NINJ2: variants seen among roughly 807,000 people sequenced by gnomAD.
NINJ2 encodes ninjurin 2.
Under a neutral mutation model 11.7 loss-of-function variants are expected in NINJ2, and 12 were observed. The observed-to-expected ratio is 1.02, with a 90% CI of 0.66 to 1.66. NINJ2 has a LOEUF of 1.66. Ranked by LOEUF, NINJ2 falls within the 40% of genes most tolerant of loss-of-function variation. The probability of loss-of-function intolerance (pLI) is 0.00; values close to 1 mark genes in which losing one functional copy is unlikely to be tolerated. For missense variants in NINJ2, 187 were observed against 181.8 expected (o/e 1.03, Z -0.16); for synonymous variants, 93 against 76.8 (o/e 1.21, Z -1.10).
intron 1 of NINJ2, among the ~76,000 whole-genome samples, chr12:629,923 G>A (rs1208141391): frequency 5.3e-4 from 33 of 61,758 alleles, no homozygotes; most frequent in Admixed American, 1.1e-3. Flanking sequence ...ATATATATAT[G>A]AAGTTTCTTT....
At chr12:636,524 T>C (rs551655764) in intron 1 of NINJ2, among the ~76,000 whole-genome samples, 1 of 152,032 alleles carries the variant, frequency 6.6e-6, no homozygotes, top group Non-Finnish European at 1.5e-5. Context: ...TCCTACAACT[T>C]AACAGCGAGA....
chr12:619,138 G>T (rs1026453661), intron 1 of NINJ2, among the ~76,000 whole-genome samples: 3 of 152,160 alleles, frequency 2.0e-5, no homozygotes, highest in Non-Finnish European at 4.4e-5. Flanking sequence ...CCAGGAGGGG[G>T]GCAGTTTATT....
chr12:601,356 C>T (rs952828987), intron 1 of NINJ2, among the ~76,000 whole-genome samples: 20 of 148,136 alleles, frequency 1.4e-4, no homozygotes, highest in East Asian at 2.1e-4. Context: ...ACCATCCTGG[C>T]TAACACAGTG....
rs140081035 is a variant in NINJ2 at position 581,077 on chromosome 12, CTGTG to C, written c.34-14903_34-14900del. 6.9e-6 allele frequency among the ~76,000 whole-genome samples: 1 copy of C among 144,230 alleles called. No individual in the cohort carries two copies. The highest frequency in any genetic ancestry group is 2.2e-4 in the South Asian group (1 of 4,554). 94.6% of individuals were successfully genotyped at this position (144,230 alleles called of 152,430 possible). On this transcript the variant is annotated intron_variant, in intron 1 of 3. Transcript: ENST00000305108. The surrounding 1 kb of genome is among the most constrained non-coding windows in gnomAD (Gnocchi z 4.9). Reference sequence around the variant, plus strand: ...TCTGTGTGTGCGTGTCTCTGTGCCTCTGTGTGTGTGTGCATGTGTCTCTGTGTGT... The same window carrying C: ...TCTGTGTGTGCGTGTCTCTGTGCCTCTGTGTGTGCATGTGTCTCTGTGTGT...
rs776179265 is a variant in NINJ2 at position 591,866 on chromosome 12, C to T, written c.34-25688G>A. On this transcript the variant is annotated intron_variant, in intron 1 of 3. Transcript: ENST00000305108. The surrounding 1 kb of genome is among the most constrained non-coding windows in gnomAD (Gnocchi z 5.0). ...CCTTCTGAAAGAGTGACGTGGCCGG[C>T]GGCAGGTATGGTGTGTGACTTAACT... 6.6e-6 allele frequency among the ~76,000 whole-genome samples: 1 copy of T among 152,102 alleles called. No individual in the cohort carries two copies. Among genetic ancestry groups the T allele is most frequent in the South Asian group, 2.1e-4 (1 of 4,820 alleles).
intron 1 of NINJ2, among the ~76,000 whole-genome samples, chr12:655,740 C>CT (rs1292051308): frequency 4.0e-5 from 6 of 151,730 alleles, no homozygotes; most frequent in African/African-American, 1.5e-4. Context: ...TGGTGAAACC[C>CT]TGTCACTACT....
At chr12:587,189 C>G (rs2120858694) in intron 1 of NINJ2, among the ~76,000 whole-genome samples, 1 of 152,278 alleles carries the variant, frequency 6.6e-6, no homozygotes, top group African/African-American at 2.4e-5. Flanking sequence ...TCTGGGTCAA[C>G]AAAAAGACTA....
intron 1 of NINJ2, among the ~76,000 whole-genome samples, chr12:567,692 A>G (rs1947320365): frequency 6.6e-6 from 1 of 152,178 alleles, no homozygotes; most frequent in African/African-American, 2.4e-5. Flanking sequence ...GAACCTTTGG[A>G]TTCTATGAGC....
rs933029480 is a variant in NINJ2, at chr12:640,342, T to TA, written c.33+22985dup. Among the ~76,000 whole-genome samples the TA allele has an allele frequency of 6.6e-6, 1 of 151,970 alleles. No individual in the cohort carries two copies. The highest frequency in any genetic ancestry group is 2.1e-4 in the South Asian group (1 of 4,816). Reference sequence around the variant, plus strand: ...TTTACAAATGTGGCAACTGAAGCTTTAAAAAAAAGGTAGGCCTGCGGGCTC... The same window carrying TA: ...TTTACAAATGTGGCAACTGAAGCTTTAAAAAAAAAGGTAGGCCTGCGGGCTC... On this transcript the variant is annotated intron_variant, in intron 1 of 3. Coordinates refer to ENST00000305108, the MANE Select transcript of NINJ2 (RefSeq NM_016533.6). This position sits in a 1 kb window ranked among gnomAD's most constrained non-coding sequence, Gnocchi z 4.0.
intron 1 of NINJ2, among the ~76,000 whole-genome samples, chr12:605,120 G>A (rs988603851): frequency 2.6e-5 from 4 of 152,280 alleles, no homozygotes; most frequent in East Asian, 1.9e-4. Flanking sequence ...TGTGAGATGC[G>A]GCCTACTCAT....
rs1055942428 is a variant in NINJ2, at chr12:591,270, G to C, written c.34-25092C>G. The C allele has an allele frequency of 6.6e-6, 1 of 152,310 alleles. No individual in the cohort carries two copies. Among genetic ancestry groups the C allele is most frequent in the Non-Finnish European group, 1.5e-5 (1 of 68,116 alleles). 9.4% of individuals were successfully genotyped at this position (152,310 alleles called of 1,614,324 possible). On this transcript the variant is annotated intron_variant, in intron 1 of 3. Transcript: ENST00000305108. The surrounding 1 kb of genome is among the most constrained non-coding windows in gnomAD (Gnocchi z 5.0). Reference sequence around the variant, plus strand: ...GGTACTGCAGGGTGTTGGGGCCCCAGTCCTTAGCAGGGTTCAAGCAGCGGG... The same window carrying C: ...GGTACTGCAGGGTGTTGGGGCCCCACTCCTTAGCAGGGTTCAAGCAGCGGG...
chr12:595,579 A>G (rs1213436640), intron 1 of NINJ2, among the ~76,000 whole-genome samples: 1 of 152,184 alleles, frequency 6.6e-6, no homozygotes, highest in African/African-American at 2.4e-5. Context: ...GTTCAAGACC[A>G]GTCTGGCCAA....
At chr12:604,230 A>G (rs1437956701) in intron 1 of NINJ2, among the ~76,000 whole-genome samples, 1 of 152,242 alleles carries the variant, frequency 6.6e-6, no homozygotes, top group African/African-American at 2.4e-5. Context: ...GAGTATCGCT[A>G]TCTTAACAAC....
chr12:569,102 C>T (rs1272316824), intron 1 of NINJ2, among the ~76,000 whole-genome samples: 1 of 152,198 alleles, frequency 6.6e-6, no homozygotes, highest in Non-Finnish European at 1.5e-5. Flanking sequence ...TGGGGGCAGC[C>T]AGTGAGGTTG....
chr12:593,030 A>T (rs1017342200), intron 1 of NINJ2, among the ~76,000 whole-genome samples: 4 of 152,184 alleles, frequency 2.6e-5, no homozygotes, highest in African/African-American at 9.6e-5. Context: ...TGCAATCAAG[A>T]AAAAAACAGG....
At chr12:660,967 A>T (rs918895079) in intron 1 of NINJ2, among the ~76,000 whole-genome samples, 5 of 152,216 alleles carry the variant, frequency 3.3e-5, no homozygotes, top group African/African-American at 1.2e-4. Flanking sequence ...TCTCAAAAAA[A>T]ACTGTAAAAA....
chr12:644,278 A>T (rs1254398486), intron 1 of NINJ2: 1 of 152,442 alleles, frequency 6.6e-6, no homozygotes, highest in Non-Finnish European at 1.5e-5. Flanking sequence ...GGTAAAATGC[A>T]GTTTCTCATT....
intron 1 of NINJ2, among the ~76,000 whole-genome samples, chr12:621,490 G>T (rs899547389): frequency 6.7e-6 from 1 of 148,652 alleles, no homozygotes; most frequent in Non-Finnish European, 1.5e-5. Context: ...AAGAAAGAAA[G>T]AAAAGAAAAA....
chr12:650,482 G>A (rs1231502798), intron 1 of NINJ2, among the ~76,000 whole-genome samples: 1 of 152,194 alleles, frequency 6.6e-6, no homozygotes, highest in African/African-American at 2.4e-5. Flanking sequence ...AGGGGATCAC[G>A]AGGTCAGGAG....
Sources: allele counts gnomAD v4.1 joint callset (sites outside exome capture counted in the v4.1 genomes callset), GRCh38; gene constraint gnomAD v4.1.1; non-coding constraint Gnocchi (gnomAD v3.1); transcripts MANE v1.5; gene names NCBI Gene and HGNC (gene_info 2026-07-23, HGNC 2026-07-21).